Variants in BMERB1 observed in about 807,000 individuals in gnomAD.
BMERB1 encodes the protein bMERB domain-containing protein 1.
Under a neutral mutation model 23.6 loss-of-function variants are expected in BMERB1, and 12 were observed. That is an observed-to-expected ratio of 0.51 (90% CI 0.33 to 0.82). BMERB1 has a LOEUF of 0.82. Among genes scored for constraint, BMERB1 ranks in the 40% least tolerant of loss-of-function variants. BMERB1 has a pLI of 0.03. For synonymous variants in BMERB1, 122 were observed against 96.6 expected (o/e 1.26, Z -1.54); for missense variants, 247 against 255.4 (o/e 0.97, Z 0.22).
intron 1 of BMERB1, chr16:15,502,519 C>A: frequency 1.4e-6 from 1 of 728,340 alleles, no homozygotes; most frequent in South Asian, 1.6e-5. Flanking sequence ...GGGCGGCTTC[C>A]CATTACATTC....
chr16:15,554,048 A>G (rs527687118), intron 2 of BMERB1, among the ~76,000 whole-genome samples: 38 of 152,248 alleles, frequency 2.5e-4, no homozygotes, highest in Admixed American at 1.4e-3. Flanking sequence ...TACCACACCC[A>G]TTCCTAATAT....
intron 1 of BMERB1, among the ~76,000 whole-genome samples, chr16:15,513,460 A>G (rs1388631450): frequency 1.3e-5 from 2 of 152,220 alleles, no homozygotes; most frequent in African/African-American, 2.4e-5. Context: ...CGAAATAGTG[A>G]GGTCCTAACT....
chr16:15,434,852 T>C (rs2050873489), intron 1 of BMERB1, 93 bp downstream of exon 1: 3 of 1,021,926 alleles, frequency 2.9e-6, no homozygotes, highest in South Asian at 1.6e-5. Context: ...ACGCCAGCAG[T>C]GGACCCAGGG....
At chr16:15,502,142 C>T (rs2051536620) in intron 1 of BMERB1, 1 of 703,174 alleles carries the variant, frequency 1.4e-6, no homozygotes, top group Non-Finnish European at 2.4e-6. Flanking sequence ...CCAATGCCTG[C>T]GTCTTCACGT....
At chr16:15,547,017 T>C (rs2029938625) in intron 2 of BMERB1, among the ~76,000 whole-genome samples, 2 of 150,768 alleles carry the variant, frequency 1.3e-5, no homozygotes, top group East Asian at 3.9e-4. Context: ...TTTTAGCTTT[T>C]TTTTTTTTTT....
rs2150979703 is a variant in BMERB1 at position 15,587,019 on chromosome 16, C to T, written c.*190C>T. ...TGTACAGAGTGTAGCAGTAGGGAGT[C>T]TCTCACCGTCGCATGGTCCTCCCCA... On this transcript the variant is annotated 3_prime_UTR_variant, in exon 6 of 6. Coordinates refer to ENST00000300006, the MANE Select transcript of BMERB1 (RefSeq NM_033201.3). 1 of 566,830 alleles carries T rather than the reference C, an allele frequency of 1.8e-6. No homozygotes were observed. Among genetic ancestry groups the T allele is most frequent in the South Asian group, 2.2e-5 (1 of 44,602 alleles). The allele number at this position is 566,830 out of a possible 1,614,324, so 35.1% of individuals were successfully genotyped here.
At chr16:15,545,306 C>T (rs777068253) in intron 2 of BMERB1, among the ~76,000 whole-genome samples, 2 of 152,154 alleles carry the variant, frequency 1.3e-5, no homozygotes, top group African/African-American at 2.4e-5. Flanking sequence ...CTAACACCCT[C>T]TTACTGATAT....
intron 1 of BMERB1, among the ~76,000 whole-genome samples, chr16:15,501,512 T>G (rs1598475201): frequency 1.3e-5 from 2 of 152,198 alleles, no homozygotes; most frequent in African/African-American, 4.8e-5. Context: ...TCTCCCTCTG[T>G]TGCCCAGGCT....
chr16:15,479,299 C>T (rs540077211), intron 1 of BMERB1, among the ~76,000 whole-genome samples: 66 of 152,080 alleles, frequency 4.3e-4, no homozygotes, highest in Non-Finnish European at 7.2e-4. Context: ...TGTGGAAGAT[C>T]AGTGTAAATC....
At chr16:15,498,326 C>T (rs1238182871) in intron 1 of BMERB1, among the ~76,000 whole-genome samples, 2 of 151,892 alleles carry the variant, frequency 1.3e-5, no homozygotes, top group Non-Finnish European at 2.9e-5. Flanking sequence ...CGCTTGAGGC[C>T]GGTTTAAGAT....
At chr16:15,440,234 G>A (rs1598439700) in intron 1 of BMERB1, among the ~76,000 whole-genome samples, 1 of 80,014 alleles carries the variant, frequency 1.2e-5, no homozygotes, top group Admixed American at 2.2e-4. Context: ...GACAGAGCAA[G>A]ACTTAATCTC....
rs191956902 is a variant in BMERB1, at chr16:15,512,981, C to A, written c.107-2324C>A. On this transcript the variant is annotated intron_variant, in intron 1 of 5. Coordinates refer to ENST00000300006, the MANE Select transcript of BMERB1 (RefSeq NM_033201.3). ...CCTTGAGTATAAGGAAAAAGACAGA[C>A]GCCCTTGTAGAACTGAGGTGTGGGG... 5.1e-4 allele frequency among the ~76,000 whole-genome samples: 77 copies of A among 152,112 alleles called. 2 individuals carry two copies. Among genetic ancestry groups the A allele is most frequent in the Admixed American group, 4.1e-3 (63 of 15,282 alleles).
intron 3 of BMERB1, among the ~76,000 whole-genome samples, chr16:15,579,285 C>T (rs968606974): frequency 1.1e-4 from 17 of 152,030 alleles, no homozygotes; most frequent in African/African-American, 3.9e-4. Flanking sequence ...GGGCAGGGAG[C>T]GGCTCTGCGG....
intron 3 of BMERB1, among the ~76,000 whole-genome samples, chr16:15,575,093 A>G (rs1279602383): frequency 2.0e-5 from 3 of 152,168 alleles, no homozygotes; most frequent in Non-Finnish European, 4.4e-5. Flanking sequence ...AAATAAATAA[A>G]TAAAAATAAT....
At chr16:15,496,790 G>A (rs536601011) in intron 1 of BMERB1, among the ~76,000 whole-genome samples, 4 of 151,996 alleles carry the variant, frequency 2.6e-5, no homozygotes, top group Non-Finnish European at 4.4e-5. Context: ...TGCCCGCCTC[G>A]GCCTCCCAAA....
At chr16:15,472,674 T>A (rs2150932250) in intron 1 of BMERB1, among the ~76,000 whole-genome samples, 1 of 142,200 alleles carries the variant, frequency 7.0e-6, no homozygotes, top group South Asian at 2.3e-4. Flanking sequence ...TGCTGGATAA[T>A]GTTTTCATGT....
At chr16:15,465,860 C>A (rs772662876) in intron 1 of BMERB1, among the ~76,000 whole-genome samples, 4 of 152,114 alleles carry the variant, frequency 2.6e-5, no homozygotes, top group African/African-American at 2.4e-5. Flanking sequence ...CCTTTGGTAG[C>A]TTATTTTGCC....
chr16:15,545,046 C>G (rs1442727614), intron 2 of BMERB1, among the ~76,000 whole-genome samples: 1 of 152,142 alleles, frequency 6.6e-6, no homozygotes, highest in African/African-American at 2.4e-5. Flanking sequence ...AATCTCGGCT[C>G]ACTGCAACCT....
rs1327531229 is a variant in BMERB1 at position 15,581,338 on chromosome 16, G to A, written c.419+7G>A. 3 of 1,609,546 alleles carry A rather than the reference G, an allele frequency of 1.9e-6. No individual in the cohort carries two copies. In the Admixed American group the frequency reaches 5.0e-5, roughly 27 times the overall value. On this transcript the variant is annotated splice_region_variant and intron_variant, in intron 4 of 5. Coordinates refer to ENST00000300006, the MANE Select transcript of BMERB1 (RefSeq NM_033201.3). ...CGGAGGTCGAGCGGTTAAGGTGAGT[G>A]CACTGCGGGTACCCGATCACTGGGC...
Sources: allele counts gnomAD v4.1 joint callset (sites outside exome capture counted in the v4.1 genomes callset), GRCh38; gene constraint gnomAD v4.1.1; transcripts MANE v1.5; gene names NCBI Gene and HGNC (gene_info 2026-07-23, HGNC 2026-07-21).